NXN: variants seen among roughly 807,000 people sequenced by gnomAD.
The protein encoded by NXN is nucleoredoxin, also known as nucleoredoxin 1.
A neutral mutation model predicts 48.6 loss-of-function variants in NXN; 16 were observed. The ratio of observed to expected loss-of-function variants is 0.33; its 90% confidence interval spans 0.22 to 0.50. The LOEUF (loss-of-function observed/expected upper bound fraction) is 0.50, where lower values mean the gene tolerates loss of function less well. NXN is among the 20% of genes least tolerant of loss of function. The pLI is 0.98. For synonymous variants in NXN, 281 were observed against 269.6 expected (o/e 1.04, Z -0.41); for missense variants, 492 against 605.5 (o/e 0.81, Z 1.97).
intron 1 of NXN, among the ~76,000 whole-genome samples, chr17:868,974 A>G (rs2068123484): frequency 6.6e-6 from 1 of 152,160 alleles, no homozygotes; most frequent in Non-Finnish European, 1.5e-5. Context: ...ACGGAGGCTG[A>G]GTGTTGGAGC....
At chr17:936,736 G>A (rs183976721) in intron 1 of NXN, among the ~76,000 whole-genome samples, 8 of 148,892 alleles carry the variant, frequency 5.4e-5, no homozygotes, top group Non-Finnish European at 3.0e-5. Flanking sequence ...GATTTATAAC[G>A]GATTTCTTTT....
intron 1 of NXN, among the ~76,000 whole-genome samples, chr17:887,734 G>C (rs1002862122): frequency 6.6e-6 from 1 of 152,060 alleles, no homozygotes; most frequent in Non-Finnish European, 1.5e-5. Flanking sequence ...CCTATGGCTT[G>C]AGGGGGAAAA....
intron 1 of NXN, among the ~76,000 whole-genome samples, chr17:895,800 G>GACAGAGCAAAAC (rs1327841147): frequency 0.33 from 49,300 of 147,260 alleles, 10,259 homozygotes; most frequent in East Asian, 0.57. Flanking sequence ...CCTGGGTTTT[G>GACAGAGCAAAAC]TTTGTCTCAA....
At chr17:897,192 G>A (rs1040736216) in intron 1 of NXN, among the ~76,000 whole-genome samples, 3 of 152,160 alleles carry the variant, frequency 2.0e-5, no homozygotes, top group East Asian at 1.9e-4. Context: ...GCAGGGAGGC[G>A]AATGCTCTGT....
chr17:887,940 A>G (rs1322644042), intron 1 of NXN, among the ~76,000 whole-genome samples: 2 of 152,210 alleles, frequency 1.3e-5, no homozygotes, highest in Non-Finnish European at 2.9e-5. Context: ...TGAGGTTCAA[A>G]GCAAGTCCAC....
At chr17:968,920 G>C (rs932466561) in intron 1 of NXN, among the ~76,000 whole-genome samples, 7 of 151,912 alleles carry the variant, frequency 4.6e-5, no homozygotes, top group Non-Finnish European at 8.8e-5. Flanking sequence ...CTGGGAGACA[G>C]AGAGAGACAC....
intron 1 of NXN, among the ~76,000 whole-genome samples, chr17:896,055 A>G (rs895157010): frequency 2.6e-5 from 4 of 151,906 alleles, no homozygotes; most frequent in Admixed American, 2.0e-4. Context: ...AAAAAATTAA[A>G]TAGGCTGGGC....
chr17:844,985 G>T (rs952895621), intron 1 of NXN, among the ~76,000 whole-genome samples: 3 of 152,080 alleles, frequency 2.0e-5, no homozygotes, highest in Non-Finnish European at 4.4e-5. Flanking sequence ...GGACACCAGG[G>T]CTCATCCCAG....
At chr17:835,295 G>A (rs1219363525) in intron 1 of NXN, among the ~76,000 whole-genome samples, 4 of 145,728 alleles carry the variant, frequency 2.7e-5, no homozygotes, top group Non-Finnish European at 4.5e-5. Context: ...AAGACAGACC[G>A]AGACTCTGTT....
chr17:898,385 C>CTGG (rs1389386268), intron 1 of NXN, among the ~76,000 whole-genome samples: 5,098 of 78,924 alleles, frequency 0.065, 1,771 homozygotes, highest in Non-Finnish European at 0.11. Flanking sequence ...TCTTTACCTA[C>CTGG]TAATTCCCAC....
At position 909,098 on chromosome 17, in the gene NXN, C is replaced by CAAA. The variant is rs59822805; in HGVS notation, c.360+70218_360+70220dup. Among the ~76,000 whole-genome samples the CAAA allele has an allele frequency of 1.4e-3, 169 of 117,336 alleles. 9 individuals are homozygous for CAAA. Among genetic ancestry groups the CAAA allele is most frequent in the African/African-American group, 5.1e-3 (149 of 29,258 alleles). The allele number at this position is 117,336 out of a possible 152,430, so 77.0% of individuals were successfully genotyped here. On this transcript the variant is annotated intron_variant, in intron 1 of 7. Transcript: ENST00000336868. Reference sequence around the variant, plus strand: ...TGGGCGACAGAGTGAGACTTCGTCTCAAAAAAAAAAAAAAAAAAAAAAAAA... The same window carrying CAAA: ...TGGGCGACAGAGTGAGACTTCGTCTCAAAAAAAAAAAAAAAAAAAAAAAAAAAA...
At chr17:889,553 T>C (rs1457927411) in intron 1 of NXN, among the ~76,000 whole-genome samples, 2 of 152,000 alleles carry the variant, frequency 1.3e-5, no homozygotes, top group African/African-American at 4.8e-5. Flanking sequence ...AAAATTAGCC[T>C]GGTGGTGGCG....
At chr17:877,349 T>C (rs1046287100) in intron 1 of NXN, among the ~76,000 whole-genome samples, 4 of 151,982 alleles carry the variant, frequency 2.6e-5, no homozygotes, top group Admixed American at 6.5e-5. Flanking sequence ...GGTTTCACCA[T>C]GTTGGCCAGG....
chr17:832,334 C>T (rs1490345289), intron 1 of NXN, among the ~76,000 whole-genome samples: 2 of 149,116 alleles, frequency 1.3e-5, no homozygotes, highest in Non-Finnish European at 3.0e-5. Flanking sequence ...CCCGCCACCA[C>T]ACCCAGCTAC....
chr17:809,745 G>A (rs1009324706), intron 5 of NXN, among the ~76,000 whole-genome samples: 25 of 109,960 alleles, frequency 2.3e-4, no homozygotes, highest in Non-Finnish European at 2.2e-4. Context: ...TAGCGACACG[G>A]CAAATTTTTG....
chr17:922,239 T>G (rs1286618268), intron 1 of NXN, among the ~76,000 whole-genome samples: 2 of 152,064 alleles, frequency 1.3e-5, no homozygotes, highest in African/African-American at 4.8e-5. Flanking sequence ...GCTGGGAGTT[T>G]GAGACCAGCC....
In NXN at chr17:800,977, G is replaced by A. The variant is rs1434739484; in HGVS notation, c.1280C>T (p.Ala427Val). ...IVEAFVNDFL[A>V]EKLKPEPI ...GATGGGCTCCGGTTTGAGCTTCTCT[G>A]CTAGGAAGTCATTCACAAAGGCCTC... The change falls in exon 8 of 8, where the codon GCA (alanine) becomes GTA (valine). Residue 427 changes from alanine (A) to valine (V), a missense_variant. Ala to Val is a moderately conservative substitution (Grantham distance 64). Around this residue, in one of 3 missense-constraint regions of NXN, gnomAD observed 303 missense variants for 388.3 expected, o/e 0.78. Coordinates refer to ENST00000336868, the MANE Select transcript of NXN (RefSeq NM_022463.5). 2 of 1,533,896 alleles carry A rather than the reference G, an allele frequency of 1.3e-6. No individual in the cohort carries two copies. Among genetic ancestry groups the A allele is most frequent in the African/African-American group, 2.8e-5 (2 of 71,668 alleles).
chr17:923,501 C>G (rs892708250), intron 1 of NXN, among the ~76,000 whole-genome samples: 2 of 152,152 alleles, frequency 1.3e-5, no homozygotes, highest in African/African-American at 4.8e-5. Flanking sequence ...CTGGGCAACA[C>G]AGCGAGACCG....
At chr17:952,042 A>G (rs189631353) in intron 1 of NXN, among the ~76,000 whole-genome samples, 4 of 152,260 alleles carry the variant, frequency 2.6e-5, no homozygotes, top group African/African-American at 9.6e-5. Flanking sequence ...CCAGCGCTGA[A>G]AGAAGGGGCG....
Sources: gnomAD v4.1 joint callset for allele counts (sites outside exome capture counted in the v4.1 genomes callset) on GRCh38, gnomAD v4.1.1 for gene constraint, gnomAD v4.1.1 regional missense constraint, MANE v1.5 for transcripts, NCBI Gene and HGNC (gene_info 2026-07-23, HGNC 2026-07-21) for gene names.